Variants in DACH2 observed in about 807,000 individuals in gnomAD.
DACH2 encodes dachshund homolog 2.
DACH2 carries 17 observed loss-of-function variants against 35.8 expected under a neutral mutation model. The observed-to-expected ratio is 0.48, with a 90% CI of 0.33 to 0.71. The LOEUF (loss-of-function observed/expected upper bound fraction) is 0.71. Ranked by LOEUF, DACH2 falls within the 30% of genes least tolerant of loss-of-function variation. The probability of loss-of-function intolerance (pLI) is 0.02; values close to 1 mark genes in which losing one functional copy is unlikely to be tolerated. For synonymous variants in DACH2, 195 were observed against 177.3 expected (o/e 1.10, Z -0.79); for missense variants, 469 against 472.7 (o/e 0.99, Z 0.07).
chrX:86,399,496 G>A (rs2036376501), intron 2 of DACH2, among the ~76,000 whole-genome samples: 1 of 111,652 alleles, frequency 9.0e-6, no homozygotes, highest in Admixed American at 9.5e-5. Context: ...TTACAATTTG[G>A]CATGTTTTTG....
chrX:86,474,448 G>A lies in DACH2; in HGVS notation c.528-39831G>A, dbSNP rs892793208. Among the ~76,000 whole-genome samples, 12 of 111,717 alleles carry A rather than the reference G, an allele frequency of 1.1e-4. No individual in the cohort carries two copies. In the Admixed American group the frequency reaches 1.1e-3, roughly 11 times the overall value. On this transcript the variant is annotated intron_variant, in intron 2 of 11. Coordinates refer to ENST00000373125, the MANE Select transcript of DACH2 (RefSeq NM_053281.3). ...ATTTTGCCCAGATCAATGTCCTGAA[G>A]AAGAGTTTCCCCAATGTTTTCTTGT...
Position 86,188,789 on chromosome X carries a change from C to A in DACH2, c.488+39681C>A, listed in dbSNP as rs757221849. 2.4e-4 allele frequency among the ~76,000 whole-genome samples: 27 copies of A among 112,197 alleles called. No individual in the cohort carries two copies. The East Asian group carries it at 7.3e-3, about 31-fold the overall frequency. ...GGAACAGATTCTCCCCGAAAGGAAC[C>A]ATCCTTGTTGACACCTTGAGTTTAG... On this transcript the variant is annotated intron_variant, in intron 1 of 11. Coordinates refer to ENST00000373125, the MANE Select transcript of DACH2 (RefSeq NM_053281.3).
At chrX:86,586,178 T>C (rs1213895072) in intron 3 of DACH2, among the ~76,000 whole-genome samples, 1 of 111,939 alleles carries the variant, frequency 8.9e-6, no homozygotes, top group Non-Finnish European at 1.9e-5. Flanking sequence ...GCTGAGTATT[T>C]TTTCATATGC....
chrX:86,458,956 C>T (rs1445003562), intron 2 of DACH2, among the ~76,000 whole-genome samples: 2 of 110,402 alleles, frequency 1.8e-5, no homozygotes, highest in East Asian at 2.8e-4. Context: ...CACCAGGGCA[C>T]GTGTATACCC....
At chrX:86,398,476 G>A (rs1388091077) in intron 2 of DACH2, among the ~76,000 whole-genome samples, 2 of 111,814 alleles carry the variant, frequency 1.8e-5, no homozygotes, top group Non-Finnish European at 3.8e-5. Context: ...TTTTAATTGT[G>A]ATGTTAGGGT....
chrX:86,787,930 A>T (rs1303425756), intron 7 of DACH2, among the ~76,000 whole-genome samples: 1 of 111,435 alleles, frequency 9.0e-6, no homozygotes, highest in Non-Finnish European at 1.9e-5. Context: ...AAAAGGAAGT[A>T]AAGTGCACTT....
At chrX:86,432,764 T>C (rs2037005890) in intron 2 of DACH2, among the ~76,000 whole-genome samples, 1 of 111,654 alleles carries the variant, frequency 9.0e-6, no homozygotes, top group African/African-American at 3.3e-5. Flanking sequence ...GTTTGTGGAG[T>C]TTTAGGTTTA....
intron 2 of DACH2, among the ~76,000 whole-genome samples, chrX:86,418,238 C>A (rs1293800207): frequency 2.7e-5 from 3 of 111,550 alleles, no homozygotes; most frequent in Non-Finnish European, 5.7e-5. Flanking sequence ...GTGGATCTAC[C>A]ATTCTGGGGT....
chrX:86,544,164 T>G (rs1268641300), intron 3 of DACH2, among the ~76,000 whole-genome samples: 4 of 110,869 alleles, frequency 3.6e-5, no homozygotes, highest in Non-Finnish European at 7.6e-5. Flanking sequence ...AGAGACCAAA[T>G]GTATGACTCA....
intron 2 of DACH2, among the ~76,000 whole-genome samples, chrX:86,498,988 G>A (rs949482586): frequency 2.7e-5 from 3 of 111,496 alleles, no homozygotes; most frequent in Non-Finnish European, 5.6e-5. Context: ...TCTTTTACCC[G>A]TGTACTTAGA....
At chrX:86,427,434 A>T (rs992308923) in intron 2 of DACH2, among the ~76,000 whole-genome samples, 3 of 111,420 alleles carry the variant, frequency 2.7e-5, no homozygotes, top group African/African-American at 9.7e-5. Context: ...TTTCTATGAA[A>T]TAAATTTGTT....
intron 2 of DACH2, among the ~76,000 whole-genome samples, chrX:86,464,570 G>A (rs1370198150): frequency 9.0e-6 from 1 of 111,209 alleles, no homozygotes. Context: ...CCTAATGCAT[G>A]TGGGGCTTAA....
intron 2 of DACH2, among the ~76,000 whole-genome samples, chrX:86,432,864 A>G (rs2037007281): frequency 8.9e-6 from 1 of 112,328 alleles, no homozygotes; most frequent in Non-Finnish European, 1.9e-5. Context: ...TGTGAAAATG[A>G]ATCTATTAAG....
At chrX:86,795,026 T>A (rs760901527) in intron 7 of DACH2, among the ~76,000 whole-genome samples, 2 of 110,852 alleles carry the variant, frequency 1.8e-5, no homozygotes, top group Non-Finnish European at 3.8e-5. Context: ...GAAGAGGAAG[T>A]AATTTCAATG....
At chrX:86,616,448 T>C (rs2040004974) in intron 3 of DACH2, among the ~76,000 whole-genome samples, 1 of 111,862 alleles carries the variant, frequency 8.9e-6, no homozygotes, top group African/African-American at 3.2e-5. Flanking sequence ...TTCTTTGACT[T>C]GTTATAGCCA....
chrX:86,824,832 C>T (rs2042547958), intron 11 of DACH2, among the ~76,000 whole-genome samples: 1 of 112,049 alleles, frequency 8.9e-6, no homozygotes, highest in African/African-American at 3.2e-5. Flanking sequence ...ACCCTCAAAT[C>T]TTACTATTTC....
At chrX:86,227,749 C>T (rs761109936) in intron 1 of DACH2, among the ~76,000 whole-genome samples, 2 of 108,862 alleles carry the variant, frequency 1.8e-5, no homozygotes, top group East Asian at 5.7e-4. Flanking sequence ...TGGTCACAAC[C>T]TACTAAATTA....
chrX:86,237,337 C>A (rs1460844481), intron 1 of DACH2, among the ~76,000 whole-genome samples: 2 of 111,750 alleles, frequency 1.8e-5, no homozygotes, highest in Non-Finnish European at 3.8e-5. Context: ...ATACATGAAC[C>A]AGTAACATAG....
chrX:86,442,790 C>G (rs1390812668), intron 2 of DACH2, among the ~76,000 whole-genome samples: 1 of 111,467 alleles, frequency 9.0e-6, no homozygotes, highest in Non-Finnish European at 1.9e-5. Flanking sequence ...GCTTTCTCAG[C>G]ACTATTTGTG....
Sources: allele counts gnomAD v4.1 joint callset (sites outside exome capture counted in the v4.1 genomes callset), GRCh38; gene constraint gnomAD v4.1.1; transcripts MANE v1.5; gene names NCBI Gene and HGNC (gene_info 2026-07-23, HGNC 2026-07-21).